The following KCNJ3 variants were observed in gnomAD, a reference collection of about 807,000 sequenced individuals.
The protein encoded by KCNJ3 is G protein-activated inward rectifier potassium channel 1.
Under a neutral mutation model 39.2 loss-of-function variants are expected in KCNJ3, and 4 were observed. The ratio of observed to expected loss-of-function variants is 0.10; its 90% CI spans 0.05 to 0.23. The LOEUF (loss-of-function observed/expected upper bound fraction) is 0.23, where lower values mean the gene tolerates loss of function less well. KCNJ3 is among the 10% of genes least tolerant of loss of function. The pLI is 1.00. For missense variants in KCNJ3, 276 were observed against 634.9 expected (o/e 0.43, Z 6.08); for synonymous variants, 230 against 237.4 (o/e 0.97, Z 0.29).
intron 2 of KCNJ3, among the ~76,000 whole-genome samples, chr2:154,823,214 A>G (rs1300419500): frequency 6.6e-6 from 1 of 152,100 alleles, no homozygotes; most frequent in African/African-American, 2.4e-5. Flanking sequence ...TTAATCCTTT[A>G]TTACTGCACA....
rs1687855433 is a variant in KCNJ3, at chr2:154,857,322, A to G, written c.*2009A>G. 1 of 152,194 alleles carries G rather than the reference A, an allele frequency of 6.6e-6. No homozygotes were observed. The highest frequency in any genetic ancestry group is 2.4e-5 in the African/African-American group (1 of 41,456). The allele number at this position is 152,194 out of a possible 1,614,324, so 9.4% of individuals were successfully genotyped here. On this transcript the variant is annotated 3_prime_UTR_variant, in exon 3 of 3. Transcript: ENST00000295101. ...CAAGAACTTAAAACTAAATAGAGCC[A>G]TAATTTACTTTGGAGAGTCATTTTA...
At chr2:154,742,521 C>T (rs948616052) in intron 2 of KCNJ3, among the ~76,000 whole-genome samples, 2 of 151,780 alleles carry the variant, frequency 1.3e-5, no homozygotes, top group South Asian at 2.1e-4. Context: ...AATTCCTCTA[C>T]GTGTTCACCA....
chr2:154,807,225 C>T (rs1485326128), intron 2 of KCNJ3, among the ~76,000 whole-genome samples: 1 of 152,072 alleles, frequency 6.6e-6, no homozygotes, highest in East Asian at 1.9e-4. Context: ...TGATTAGTGG[C>T]GTTTCATTAA....
chr2:154,769,889 G>T (rs1421516188), intron 2 of KCNJ3, among the ~76,000 whole-genome samples: 3 of 152,016 alleles, frequency 2.0e-5, no homozygotes, highest in African/African-American at 7.2e-5. Context: ...AAAGCTTTAT[G>T]AATCCCAAAA....
intron 2 of KCNJ3, among the ~76,000 whole-genome samples, chr2:154,733,192 A>G (rs1685472788): frequency 6.6e-6 from 1 of 152,058 alleles, no homozygotes; most frequent in African/African-American, 2.4e-5. Context: ...ATTATTTTTT[A>G]GTGTCTATAT....
At chr2:154,732,039 T>C (rs1685457017) in intron 2 of KCNJ3, among the ~76,000 whole-genome samples, 1 of 152,060 alleles carries the variant, frequency 6.6e-6, no homozygotes, top group Non-Finnish European at 1.5e-5. Flanking sequence ...TATTTGTAAA[T>C]GAGGAAATGT....
intron 2 of KCNJ3, among the ~76,000 whole-genome samples, chr2:154,816,364 C>T (rs1006244402): frequency 2.6e-5 from 4 of 152,100 alleles, no homozygotes; most frequent in Admixed American, 2.0e-4. Context: ...AGGAAAAAAG[C>T]GTCATCATTT....
intron 2 of KCNJ3, among the ~76,000 whole-genome samples, chr2:154,838,994 C>T (rs2937611): frequency 0.2 from 30,559 of 152,010 alleles, 3,383 homozygotes; most frequent in East Asian, 0.4. Context: ...ATGTGCACAA[C>T]GTGCAGGTTT....
chr2:154,708,040 T>G (rs1003348567), intron 1 of KCNJ3, among the ~76,000 whole-genome samples: 13 of 152,172 alleles, frequency 8.5e-5, no homozygotes, highest in Non-Finnish European at 4.4e-5. Context: ...TTGCTAGAGC[T>G]GCTGTTTTAA....
At chr2:154,815,861 T>G (rs1339902855) in intron 2 of KCNJ3, among the ~76,000 whole-genome samples, 1 of 152,194 alleles carries the variant, frequency 6.6e-6, no homozygotes, top group Non-Finnish European at 1.5e-5. Context: ...GAAACCCAGT[T>G]CTTCCACATA....
rs868384621 is a variant in KCNJ3 at position 154,760,735 on chromosome 2, C to T, written c.919+50916C>T. ...CCCTGGCTATTTTTTTCTTTTTTTT[C>T]TTTTTTTTTTTTTTTTTTTGAGATG... On this transcript the variant is annotated intron_variant, in intron 2 of 2. Coordinates refer to ENST00000295101, the MANE Select transcript of KCNJ3 (RefSeq NM_002239.4). Among the ~76,000 whole-genome samples the T allele has an allele frequency of 6.3e-4, 80 of 127,730 alleles. 1 individual carries two copies. Among genetic ancestry groups the T allele is most frequent in the East Asian group, 9.2e-4 (4 of 4,334 alleles). 83.8% of individuals were successfully genotyped at this position (127,730 alleles called of 152,430 possible). A position where few individuals can be genotyped will look rare whatever the true frequency, so the allele number is the denominator to read the frequency against.
intron 2 of KCNJ3, among the ~76,000 whole-genome samples, chr2:154,713,933 C>T (rs1685142091): frequency 6.6e-6 from 1 of 152,170 alleles, no homozygotes; most frequent in African/African-American, 2.4e-5. Context: ...TTCTACACTC[C>T]CAGTCCCAGC....
chr2:154,756,925 G>A (rs575104956), intron 2 of KCNJ3, among the ~76,000 whole-genome samples: 14 of 152,034 alleles, frequency 9.2e-5, no homozygotes, highest in African/African-American at 2.7e-4. Context: ...GATTTTGACT[G>A]AAATACACTC....
Position 154,719,870 on chromosome 2 carries a change from C to T in KCNJ3, c.919+10051C>T, listed in dbSNP as rs547202671. Reference sequence around the variant, plus strand: ...GCTGAGGTCCAGACAGAGTGAGTCTCTCTTGACAAATAAACATTTTAGGCC... The same window carrying T: ...GCTGAGGTCCAGACAGAGTGAGTCTTTCTTGACAAATAAACATTTTAGGCC... On this transcript the variant is annotated intron_variant, in intron 2 of 2. Transcript: ENST00000295101. Among the ~76,000 whole-genome samples the T allele has an allele frequency of 1.4e-4, 21 of 152,170 alleles. No homozygotes were observed. In the South Asian group the frequency reaches 3.5e-3, roughly 26 times the overall value.
chr2:154,839,594 CTGT>C (rs1687538809), intron 2 of KCNJ3, among the ~76,000 whole-genome samples: 1 of 152,190 alleles, frequency 6.6e-6, no homozygotes, highest in African/African-American at 2.4e-5. Context: ...TCTCCAGCAT[CTGT>C]TGTTTCCTGA....
intron 2 of KCNJ3, among the ~76,000 whole-genome samples, chr2:154,719,553 C>T (rs1377448967): frequency 6.6e-6 from 1 of 152,092 alleles, no homozygotes; most frequent in African/African-American, 2.4e-5. Flanking sequence ...AAATGCCATG[C>T]AAGGATGTTA....
intron 2 of KCNJ3, among the ~76,000 whole-genome samples, chr2:154,776,307 T>C (rs1399620141): frequency 6.6e-6 from 1 of 152,048 alleles, no homozygotes; most frequent in Non-Finnish European, 1.5e-5. Context: ...CGGCCAGGGA[T>C]TCTTAGTACT....
At chr2:154,810,411 G>C (rs557792000) in intron 2 of KCNJ3, among the ~76,000 whole-genome samples, 41 of 151,984 alleles carry the variant, frequency 2.7e-4, no homozygotes, top group Middle Eastern at 3.4e-3. Context: ...TAAATTCAAG[G>C]AATAAGAAAA....
intron 2 of KCNJ3, among the ~76,000 whole-genome samples, chr2:154,717,778 C>A (rs1253838243): frequency 6.6e-6 from 1 of 152,004 alleles, no homozygotes; most frequent in Non-Finnish European, 1.5e-5. Context: ...TGAGGTGTAC[C>A]TGTAATTTTC....
Sources: allele counts gnomAD v4.1 joint callset (sites outside exome capture counted in the v4.1 genomes callset), GRCh38; gene constraint gnomAD v4.1.1; transcripts MANE v1.5; gene names NCBI Gene and HGNC (gene_info 2026-07-23, HGNC 2026-07-21).